KIAA0586: variants seen among roughly 807,000 people sequenced by gnomAD.
KIAA0586 encodes the protein protein TALPID3.
Under a neutral mutation model 169.8 loss-of-function variants are expected in KIAA0586, and 144 were observed. The observed-to-expected ratio is 0.85, with a 90% CI of 0.74 to 0.97. The LOEUF (loss-of-function observed/expected upper bound fraction) is 0.97, where lower values mean the gene tolerates loss of function less well. KIAA0586 is among the 50% of genes least tolerant of loss of function. The pLI, the probability that KIAA0586 is intolerant of heterozygous loss-of-function variation, is 0.00. For synonymous variants in KIAA0586, 625 were observed against 612.4 expected, an observed-to-expected ratio of 1.02 and a Z score of -0.30; for missense variants, 1,854 against 1,823.0, an observed-to-expected ratio of 1.02 and a Z score of -0.31.
At position 58,456,807 on chromosome 14, in the gene KIAA0586, C is replaced by T; in HGVS notation, c.1359C>T (p.Val453=). Residue 453 remains valine (V), a synonymous_variant, in exon 10 of 31, where the codon GTC becomes GTT. Coordinates refer to ENST00000652326, the MANE Select transcript of KIAA0586 (RefSeq NM_001329943.3). The part of the protein sequence containing the change: ...GQKEKETNSM[V]QPKESLSMLK... ...AAGAGAAAGAAACAAATAGCATGGT[C>T]CAGGTAAAGTGGGAATGGTCTTAAA... 6.5e-7 allele frequency: 1 copy of T among 1,541,192 alleles called. No homozygotes were observed. The highest frequency in any genetic ancestry group is 8.9e-7 in the Non-Finnish European group (1 of 1,122,608).
intron 4 of KIAA0586, among the ~76,000 whole-genome samples, chr14:58,433,889 C>A (rs1447531082): frequency 6.6e-6 from 1 of 151,818 alleles, no homozygotes; most frequent in East Asian, 1.9e-4. Flanking sequence ...GTCCCAGGTA[C>A]TTGGGAGGCT....
At chr14:58,513,728 T>C (rs140587670) in intron 29 of KIAA0586, among the ~76,000 whole-genome samples, 3 of 152,182 alleles carry the variant, frequency 2.0e-5, no homozygotes, top group African/African-American at 4.8e-5. Context: ...CAGAATTTAC[T>C]TCATGTTCTT....
intron 17 of KIAA0586, among the ~76,000 whole-genome samples, chr14:58,471,661 T>G (rs886640842): frequency 1.3e-5 from 2 of 152,184 alleles, no homozygotes; most frequent in African/African-American, 4.8e-5. Context: ...TTTTTTAACC[T>G]TCTGTTTATT....
At chr14:58,449,743 C>T (rs1055904368) in intron 7 of KIAA0586, among the ~76,000 whole-genome samples, 2 of 152,132 alleles carry the variant, frequency 1.3e-5, no homozygotes, top group African/African-American at 4.8e-5. Flanking sequence ...ACACTTTTTT[C>T]ATAACTCAAT....
chr14:58,490,127 C>CTT, intron 24 of KIAA0586, 37 bp from the exon 25 acceptor site: 54 of 923,762 alleles, frequency 5.8e-5, no homozygotes, highest in Admixed American at 1.9e-4. Flanking sequence ...GTTTGTGTTT[C>CTT]TTTTTTTTTT....
chr14:58,456,015 A>T (rs1218223362), intron 9 of KIAA0586, among the ~76,000 whole-genome samples: 2 of 117,050 alleles, frequency 1.7e-5, no homozygotes, highest in Admixed American at 1.0e-4. Flanking sequence ...CGCTGCTGAG[A>T]TGTTAAACAA....
At chr14:58,486,796 G>T (rs531588721) in intron 21 of KIAA0586, among the ~76,000 whole-genome samples, 1 of 152,172 alleles carries the variant, frequency 6.6e-6, no homozygotes, top group Non-Finnish European at 1.5e-5. Context: ...TTAGAATTCT[G>T]TGGGGACCAC....
chr14:58,552,263 G>T (rs2047217117), downstream of KIAA0586, among the ~76,000 whole-genome samples: 1 of 152,132 alleles, frequency 6.6e-6, no homozygotes, highest in Non-Finnish European at 1.5e-5. Flanking sequence ...GTTTTTATTT[G>T]ACCTAGGTAG....
At chr14:58,441,911 GGCCTGA>G (rs1566789324) in intron 4 of KIAA0586, 1 of 152,010 alleles carries the variant, frequency 6.6e-6, no homozygotes, top group African/African-American at 2.4e-5. Flanking sequence ...TAGCGTTATA[GGCCTGA>G]GCCACCACAC....
At chr14:58,509,713 A>G (rs1330235351) in intron 28 of KIAA0586, among the ~76,000 whole-genome samples, 9 of 152,210 alleles carry the variant, frequency 5.9e-5, no homozygotes, top group Admixed American at 5.9e-4. Flanking sequence ...AAAACTAGTT[A>G]ATAATGAAAA....
chr14:58,513,911 T>C (rs771069749), intron 29 of KIAA0586, among the ~76,000 whole-genome samples: 1 of 152,096 alleles, frequency 6.6e-6, no homozygotes, highest in Non-Finnish European at 1.5e-5. Context: ...GGTAAGATGT[T>C]AGCTGGTAGA....
chr14:58,557,983 C>T, the KIAA0586 span, among the ~76,000 whole-genome samples: 1 of 125,334 alleles, frequency 8.0e-6, no homozygotes, highest in Non-Finnish European at 1.6e-5. Flanking sequence ...GATCTTGGCT[C>T]ACTAAAACCT....
At chr14:58,499,096 T>G (rs2043366715) in intron 27 of KIAA0586, 136 bp downstream of exon 27, 1 of 736,934 alleles carries the variant, frequency 1.4e-6, no homozygotes, top group Non-Finnish European at 2.1e-6. Flanking sequence ...GAAAGTTTGG[T>G]GATAACTTTT....
At chr14:58,428,489 A>G (rs1247458515) in intron 1 of KIAA0586, 26 bp downstream of exon 1, 2 of 1,545,050 alleles carry the variant, frequency 1.3e-6, no homozygotes, top group South Asian at 1.1e-5. Flanking sequence ...TAGTTTTTCA[A>G]CCAGTTTTAG....
chr14:58,553,415 A>G (rs966620732), downstream of KIAA0586, among the ~76,000 whole-genome samples: 2 of 152,238 alleles, frequency 1.3e-5, no homozygotes, highest in East Asian at 3.8e-4. Context: ...TTTTGCTTCA[A>G]AAAAGGAAGG....
chr14:58,551,644 C>T (rs1299745874), downstream of KIAA0586, among the ~76,000 whole-genome samples: 1 of 152,096 alleles, frequency 6.6e-6, no homozygotes, highest in Non-Finnish European at 1.5e-5. Context: ...TGCCTGTAGT[C>T]CCAGCTACTT....
At chr14:58,509,789 G>A (rs556872562) in intron 28 of KIAA0586, among the ~76,000 whole-genome samples, 2 of 152,246 alleles carry the variant, frequency 1.3e-5, no homozygotes, top group African/African-American at 4.8e-5. Context: ...ACATTTCTGG[G>A]ATATGATACC....
intron 25 of KIAA0586, among the ~76,000 whole-genome samples, chr14:58,491,521 A>T (rs917665082): frequency 1.3e-5 from 2 of 152,200 alleles, no homozygotes; most frequent in African/African-American, 4.8e-5. Context: ...TTACAAGATA[A>T]TCTACTTTGT....
At chr14:58,504,314 A>G (rs1003080026) in intron 27 of KIAA0586, among the ~76,000 whole-genome samples, 5 of 152,328 alleles carry the variant, frequency 3.3e-5, no homozygotes, top group Admixed American at 3.3e-4. Context: ...TGTGAGCAGT[A>G]CAAAAGAAGC....
Sources: allele counts gnomAD v4.1 joint callset (sites outside exome capture counted in the v4.1 genomes callset), GRCh38; gene constraint gnomAD v4.1.1; transcripts MANE v1.5; gene names NCBI Gene and HGNC (gene_info 2026-07-23, HGNC 2026-07-21).